BSPRY: variants seen among roughly 807,000 people sequenced by gnomAD.
BSPRY encodes the protein B box and SPRY domain-containing protein.
Under a neutral mutation model 38.0 loss-of-function variants are expected in BSPRY, and 33 were observed. The observed-to-expected ratio is 0.87, with a 90% CI of 0.66 to 1.16. The LOEUF is 1.16. BSPRY is among the 50% of genes most tolerant of loss of function. The pLI is 0.00. For missense variants in BSPRY, 523 were observed against 533.2 expected, an observed-to-expected ratio of 0.98 and a Z score of 0.19; for synonymous variants, 224 against 228.5, an observed-to-expected ratio of 0.98 and a Z score of 0.18.
chr9:113,362,604 T>A (rs547206988), intron 4 of BSPRY, among the ~76,000 whole-genome samples: 4 of 152,328 alleles, frequency 2.6e-5, no homozygotes, highest in Non-Finnish European at 5.9e-5. Flanking sequence ...GTGGAATACT[T>A]AGTAATCCAA....
chr9:113,369,863 G>A lies in BSPRY; in HGVS notation c.930G>A (p.Lys310=), dbSNP rs1403610772. 1.2e-6 allele frequency: 2 copies of A among 1,614,264 alleles called. No individual in the cohort carries two copies. The highest frequency in any genetic ancestry group is 1.7e-5 in the Admixed American group (1 of 60,026). Residue 310 remains lysine, a synonymous_variant, in exon 6 of 6, where the codon AAG becomes AAA. Coordinates refer to ENST00000374183, the MANE Select transcript of BSPRY (RefSeq NM_017688.3). ...VGVASGHLPR[K]GSGSDCRLGH... Reference sequence around the variant, plus strand: ...TGGCTTCAGGCCACCTGCCCCGCAAGGGTTCTGGCAGTGACTGCCGTCTGG... The same window carrying A: ...TGGCTTCAGGCCACCTGCCCCGCAAAGGTTCTGGCAGTGACTGCCGTCTGG...
intron 4 of BSPRY, among the ~76,000 whole-genome samples, chr9:113,365,867 C>T: frequency 6.9e-6 from 1 of 145,158 alleles, no homozygotes; most frequent in East Asian, 2.0e-4. Context: ...TGCAGTGGCG[C>T]AATCTTGCCT....
chr9:113,350,861 A>G (rs576087683), intron 1 of BSPRY, among the ~76,000 whole-genome samples: 1 of 152,302 alleles, frequency 6.6e-6, no homozygotes, highest in African/African-American at 2.4e-5. Flanking sequence ...CATAATGGAC[A>G]AAAAAATTTG....
rs1336694775 is a variant in BSPRY at position 113,370,255 on chromosome 9, A to G, written c.*113A>G. Reference sequence around the variant, plus strand: ...GGTGTTTCTAAGAGAAACAGGGCCCATAACCAGTGGGCAGCTTTAGGAGGG... The same window carrying G: ...GGTGTTTCTAAGAGAAACAGGGCCCGTAACCAGTGGGCAGCTTTAGGAGGG... On this transcript the variant is annotated 3_prime_UTR_variant, in exon 6 of 6. Transcript: ENST00000374183. The surrounding 1 kb of genome is among the most constrained non-coding windows in gnomAD (Gnocchi z 4.8). 1.5e-6 allele frequency: 2 copies of G among 1,309,574 alleles called. No homozygotes were observed. The highest frequency in any genetic ancestry group is 3.0e-5 in the South Asian group (2 of 66,682). The allele number at this position is 1,309,574 out of a possible 1,614,324, so 81.1% of individuals were successfully genotyped here.
chr9:113,368,274 G>C lies in BSPRY; in HGVS notation c.573G>C (p.Glu191Asp). The C allele has an allele frequency of 6.2e-7, 1 of 1,614,138 alleles. No individual in the cohort carries two copies. Among genetic ancestry groups the C allele is most frequent in the Non-Finnish European group, 8.5e-7 (1 of 1,180,008 alleles). Residue 191 changes from glutamate to aspartate, a missense_variant, in exon 5 of 6, where the codon GAG becomes GAC. Coordinates refer to ENST00000374183, the MANE Select transcript of BSPRY (RefSeq NM_017688.3). The part of the protein sequence containing the change: ...QEIFERTEEA[E>D]GILDPQESEM... Reference sequence around the variant, plus strand: ...CCCATATAAGGACCGAAGAAGCAGAGGGCATTTTGGATCCCCAGGAGTCGG... The same window carrying C: ...CCCATATAAGGACCGAAGAAGCAGACGGCATTTTGGATCCCCAGGAGTCGG...
In BSPRY at chr9:113,362,366, C is replaced by T. The variant is rs1389510224; in HGVS notation, c.532-3C>T. 6.2e-6 allele frequency: 10 copies of T among 1,614,014 alleles called. No homozygotes were observed. Among genetic ancestry groups the T allele is most frequent in the African/African-American group, 2.7e-5 (2 of 74,910 alleles). On this transcript the variant is annotated splice_polypyrimidine_tract_variant and splice_region_variant and intron_variant, in intron 3 of 5. Coordinates refer to ENST00000374183, the MANE Select transcript of BSPRY (RefSeq NM_017688.3). The stretch of plus-strand genomic sequence containing the variant: ...AGCTTGACTTTGTTTTCTTTTCTCA[C>T]AGCAGAAGGAGCAAGAGATTTTCGA...
At chr9:113,362,236 T>C (rs1236041400) in intron 3 of BSPRY, 133 bp from the exon 4 acceptor site, 7 of 747,576 alleles carry the variant, frequency 9.4e-6, no homozygotes, top group Non-Finnish European at 1.6e-5. Flanking sequence ...GAAAGCTTTA[T>C]GCTGGTCTTA....
At chr9:113,355,771 C>T (rs773974476) in intron 2 of BSPRY, among the ~76,000 whole-genome samples, 25 of 150,274 alleles carry the variant, frequency 1.7e-4, no homozygotes, top group Non-Finnish European at 3.5e-4. Context: ...CCCACCACGA[C>T]ACCCAGCTAA....
intron 4 of BSPRY, among the ~76,000 whole-genome samples, chr9:113,365,907 C>T (rs972622982): frequency 3.3e-5 from 5 of 150,090 alleles, no homozygotes; most frequent in East Asian, 3.9e-4. Flanking sequence ...TGGGTCCAAG[C>T]GATTCTCCTG....
intron 3 of BSPRY, among the ~76,000 whole-genome samples, chr9:113,361,565 G>T (rs1014744334): frequency 1.5e-4 from 23 of 152,176 alleles, no homozygotes; most frequent in African/African-American, 5.6e-4. Context: ...GACAATCCAG[G>T]CTAGGGGAAA....
At chr9:113,360,295 C>T (rs1182883928) in intron 2 of BSPRY, among the ~76,000 whole-genome samples, 3 of 152,180 alleles carry the variant, frequency 2.0e-5, no homozygotes. Context: ...TATGTGTCTG[C>T]ATCTCAAATT....
chr9:113,364,029 T>C (rs755718574), intron 4 of BSPRY, among the ~76,000 whole-genome samples: 2 of 147,940 alleles, frequency 1.4e-5, no homozygotes, highest in African/African-American at 2.5e-5. Flanking sequence ...CTATTAAAAA[T>C]ACAAAAATTA....
intron 3 of BSPRY, among the ~76,000 whole-genome samples, chr9:113,361,022 A>C (rs7033437): frequency 0.3 from 45,236 of 151,980 alleles, 6,916 homozygotes; most frequent in African/African-American, 0.34. Flanking sequence ...ATATCTGATC[A>C]GGTTCCTCAT....
chr9:113,357,908 A>C (rs376472852), intron 2 of BSPRY, among the ~76,000 whole-genome samples: 10 of 14,322 alleles, frequency 7.0e-4, no homozygotes, highest in East Asian at 8.5e-3. Context: ...ATATATATAT[A>C]TATATATATA....
chr9:113,364,947 GTT>G (rs144272713), intron 4 of BSPRY, among the ~76,000 whole-genome samples: 40,440 of 134,438 alleles, frequency 0.3, 5,577 homozygotes, highest in Middle Eastern at 0.35. Flanking sequence ...TCCTTAGCTT[GTT>G]TTTTTTTTTT....
intron 2 of BSPRY, among the ~76,000 whole-genome samples, chr9:113,358,539 A>AT (rs889322427): frequency 6.6e-6 from 1 of 152,012 alleles, no homozygotes; most frequent in African/African-American, 2.4e-5. Context: ...AAGTGCTGGG[A>AT]TTACAGGTAT....
chr9:113,369,055 A>G (rs575133463), intron 5 of BSPRY, among the ~76,000 whole-genome samples: 22 of 150,876 alleles, frequency 1.5e-4, no homozygotes, highest in African/African-American at 4.9e-4. Context: ...TAGAAGCTGT[A>G]GCTTCTCTAC....
chr9:113,368,599 T>A (rs1564346100), intron 5 of BSPRY, among the ~76,000 whole-genome samples: 1 of 152,222 alleles, frequency 6.6e-6, no homozygotes. Flanking sequence ...TGTTCTGTGG[T>A]TGGGTCAAAG....
chr9:113,356,410 C>G (rs1265949523), intron 2 of BSPRY, among the ~76,000 whole-genome samples: 5 of 152,002 alleles, frequency 3.3e-5, no homozygotes, highest in Non-Finnish European at 7.4e-5. Context: ...GAGGCTGAGG[C>G]AGGAGAATCA....
Sources: gnomAD v4.1 joint callset for allele counts (sites outside exome capture counted in the v4.1 genomes callset) on GRCh38, gnomAD v4.1.1 for gene constraint, Gnocchi (gnomAD v3.1) non-coding constraint, MANE v1.5 for transcripts, NCBI Gene and HGNC (gene_info 2026-07-23, HGNC 2026-07-21) for gene names.